The following NXPE1 variants were observed in gnomAD, a reference collection of about 807,000 sequenced individuals.
NXPE1 encodes neurexophilin and PC-esterase domain family member 1, also known as NXPE family member 1.
In NXPE1, 31 loss-of-function variants were observed where a neutral mutation model predicts 33.3. The ratio of observed to expected loss-of-function variants is 0.93; its 90% confidence interval spans 0.70 to 1.26. The LOEUF is 1.26. Among genes scored for constraint, NXPE1 ranks in the 50% most tolerant of loss-of-function variants. The probability of loss-of-function intolerance (pLI) is 0.00; values close to 1 mark genes in which losing one functional copy is unlikely to be tolerated. For missense variants in NXPE1, 661 were observed against 655.6 expected (o/e 1.01, Z -0.09); for synonymous variants, 229 against 231.4 (o/e 0.99, Z 0.09).
At chr11:114,548,506 G>A (rs1264204694) in intron 5 of NXPE1, among the ~76,000 whole-genome samples, 2 of 151,950 alleles carry the variant, frequency 1.3e-5, no homozygotes, top group Admixed American at 1.3e-4. Flanking sequence ...AGAGATTTAT[G>A]AAATAAAAAC....
At chr11:114,549,114 A>G (rs1345099789) in intron 5 of NXPE1, among the ~76,000 whole-genome samples, 1 of 151,992 alleles carries the variant, frequency 6.6e-6, no homozygotes, top group African/African-American at 2.4e-5. Flanking sequence ...AAAAATAGAG[A>G]ATAGTGAAAA....
intron 5 of NXPE1, among the ~76,000 whole-genome samples, chr11:114,533,400 T>C (rs1328693932): frequency 6.6e-6 from 1 of 151,992 alleles, no homozygotes; most frequent in Non-Finnish European, 1.5e-5. Flanking sequence ...CCAACTGAGG[T>C]ACTTGGTTCA....
intron 5 of NXPE1, among the ~76,000 whole-genome samples, chr11:114,533,885 CA>C (rs754569951): frequency 6.6e-6 from 1 of 152,220 alleles, no homozygotes; most frequent in Non-Finnish European, 1.5e-5. Context: ...CAAAAGACAG[CA>C]GTAACCTCTG....
chr11:114,535,310 C>T (rs1239098678), intron 5 of NXPE1, among the ~76,000 whole-genome samples: 1 of 152,150 alleles, frequency 6.6e-6, no homozygotes, highest in Non-Finnish European at 1.5e-5. Context: ...GCAACCGGTA[C>T]CAGCCACTGC....
At chr11:114,521,820 G>T in exon 9 of NXPE1, 1 of 615,032 alleles carries the variant, frequency 1.6e-6, no homozygotes, top group South Asian at 2.3e-5. Flanking sequence ...CTTATCAGTT[G>T]TCATTGTCCT....
At chr11:114,532,792 G>T (rs1249726780) in intron 5 of NXPE1, among the ~76,000 whole-genome samples, 2 of 152,116 alleles carry the variant, frequency 1.3e-5, no homozygotes, top group Non-Finnish European at 2.9e-5. Context: ...GTGTGCATTT[G>T]TCATGGTTGA....
chr11:114,545,935 C>T (rs1043567949), intron 5 of NXPE1, among the ~76,000 whole-genome samples: 1 of 152,024 alleles, frequency 6.6e-6, no homozygotes, highest in African/African-American at 2.4e-5. Flanking sequence ...GCGATCCACC[C>T]ACCTCGGCCT....
chr11:114,540,212 C>T (rs1166739674), intron 5 of NXPE1, among the ~76,000 whole-genome samples: 1 of 152,180 alleles, frequency 6.6e-6, no homozygotes, highest in Non-Finnish European at 1.5e-5. Context: ...CTGCCTCGGC[C>T]TCCCAAAGTG....
intron 8 of NXPE1, 45 bp from the exon 9 acceptor site, chr11:114,522,548 A>C: frequency 1.4e-6 from 2 of 1,436,278 alleles, no homozygotes; most frequent in Non-Finnish European, 1.9e-6. Context: ...GATAATGGTT[A>C]ATATTCATGA....
intron 6 of NXPE1, 82 bp downstream of exon 6, chr11:114,530,093 T>C: frequency 7.2e-7 from 1 of 1,393,420 alleles, no homozygotes; most frequent in Non-Finnish European, 9.7e-7. Context: ...TGAGTCATGC[T>C]CAATGTTGCA....
chr11:114,522,044 T>C, exon 9 of NXPE1: 2 of 1,613,824 alleles, frequency 1.2e-6, no homozygotes, highest in Non-Finnish European at 1.7e-6. Context: ...GTCAGTGCCA[T>C]ATGCAATGGT....
chr11:114,547,407 A>G (rs1948319216), intron 5 of NXPE1, among the ~76,000 whole-genome samples: 1 of 152,256 alleles, frequency 6.6e-6, no homozygotes, highest in African/African-American at 2.4e-5. Context: ...CAATGTCATC[A>G]AAAACAAGGA....
At chr11:114,554,782 G>T (rs1308740365) in intron 1 of NXPE1, among the ~76,000 whole-genome samples, 1 of 152,178 alleles carries the variant, frequency 6.6e-6, no homozygotes, top group Non-Finnish European at 1.5e-5. Context: ...TAATTGAAGA[G>T]ATTACTAAAC....
At position 114,551,417 on chromosome 11, in the gene NXPE1, A is replaced by G. The variant is rs895220083; in HGVS notation, c.-45T>C. 3.8e-6 allele frequency: 5 copies of G among 1,320,838 alleles called. No homozygotes were observed. In the African/African-American group the frequency reaches 6.0e-5, roughly 16 times the overall value. 81.8% of individuals were successfully genotyped at this position (1,320,838 alleles called of 1,614,324 possible). Reference sequence around the variant, plus strand: ...ACTTCTTGTCGAGGTTTCACTCAGGATTGTTGCTTCCTCCTTCCAGGACCC... The same window carrying G: ...ACTTCTTGTCGAGGTTTCACTCAGGGTTGTTGCTTCCTCCTTCCAGGACCC... On this transcript the variant is annotated 5_prime_UTR_variant, in exon 4 of 9. Transcript: ENST00000534921.
chr11:114,554,299 C>A (rs1431079327), intron 1 of NXPE1: 2 of 979,724 alleles, frequency 2.0e-6, no homozygotes, highest in African/African-American at 3.5e-5. Flanking sequence ...TAAGCAGAGG[C>A]CATGTGTGCC....
At chr11:114,558,110 A>G (rs1029954352) in intron 1 of NXPE1, among the ~76,000 whole-genome samples, 7 of 152,188 alleles carry the variant, frequency 4.6e-5, no homozygotes, top group African/African-American at 7.2e-5. Context: ...TTGCTCTCAA[A>G]AGGAGACTAT....
exon 6 of NXPE1, chr11:114,530,778 A>C (rs1391558913): frequency 6.2e-7 from 1 of 1,614,032 alleles, no homozygotes; most frequent in East Asian, 2.2e-5. Context: ...TAGTTTCTCT[A>C]TGATTTCCTT....
At chr11:114,553,893 G>C in intron 1 of NXPE1, 2 of 977,080 alleles carry the variant, frequency 2.0e-6, no homozygotes, top group Non-Finnish European at 2.4e-6. Flanking sequence ...TTTAGATCGT[G>C]GAAGTCATCA....
At chr11:114,555,732 C>G (rs1054159477) in intron 1 of NXPE1, among the ~76,000 whole-genome samples, 1 of 152,168 alleles carries the variant, frequency 6.6e-6, no homozygotes, top group Non-Finnish European at 1.5e-5. Context: ...TTTGGCACTA[C>G]AGATGAGATT....
Sources: allele counts gnomAD v4.1 joint callset (sites outside exome capture counted in the v4.1 genomes callset), GRCh38; gene constraint gnomAD v4.1.1; transcripts MANE v1.5; gene names NCBI Gene and HGNC (gene_info 2026-07-23, HGNC 2026-07-21).